Variants in BICRA observed in about 807,000 individuals in gnomAD.
BICRA encodes the protein BRD4 interacting chromatin remodeling complex associated protein.
A neutral mutation model predicts 96.9 loss-of-function variants in BICRA; 31 were observed. That is an observed-to-expected ratio of 0.32 (90% CI 0.24 to 0.43). The LOEUF (loss-of-function observed/expected upper bound fraction) is 0.43. Ranked by LOEUF, BICRA falls within the 20% of genes least tolerant of loss-of-function variation. The probability of loss-of-function intolerance (pLI) is 1.00; values close to 1 mark genes in which losing one functional copy is unlikely to be tolerated. For synonymous variants in BICRA, 1,350 were observed against 1,071.8 expected (o/e 1.26, Z -5.07); for missense variants, 2,283 against 2,190.3 (o/e 1.04, Z -0.84).
intron 2 of BICRA, among the ~76,000 whole-genome samples, chr19:47,671,024 G>A (rs1011618759): frequency 2.6e-5 from 4 of 152,210 alleles, no homozygotes; most frequent in African/African-American, 9.7e-5. Context: ...GTGGGGCTCT[G>A]GAGATGCATG....
At chr19:47,700,006 A>C (rs891638697) in intron 14 of BICRA, 2 of 154,072 alleles carry the variant, frequency 1.3e-5, no homozygotes, top group African/African-American at 2.4e-5. Flanking sequence ...AAAAGTAGTC[A>C]TTGGTACTTA....
At chr19:47,653,707 G>A (rs982560696) in intron 1 of BICRA, among the ~76,000 whole-genome samples, 28 of 152,242 alleles carry the variant, frequency 1.8e-4, no homozygotes, top group African/African-American at 6.0e-4. Flanking sequence ...TTCTTATGGC[G>A]GAGTAATAGT....
intron 1 of BICRA, among the ~76,000 whole-genome samples, chr19:47,611,139 C>T (rs969766892): frequency 3.3e-5 from 5 of 152,150 alleles, no homozygotes; most frequent in African/African-American, 9.7e-5. Flanking sequence ...CAATTTGTAA[C>T]CTCCTGGAGT....
chr19:47,631,937 C>T (rs1349575423), intron 1 of BICRA, among the ~76,000 whole-genome samples: 1 of 152,240 alleles, frequency 6.6e-6, no homozygotes, highest in African/African-American at 2.4e-5. Flanking sequence ...GCATGAGCTA[C>T]TGCGCCCGGC....
At chr19:47,656,074 A>ACACACACG (rs1197870772) in intron 1 of BICRA, among the ~76,000 whole-genome samples, 1 of 111,084 alleles carries the variant, frequency 9.0e-6, no homozygotes, top group Non-Finnish European at 1.8e-5. Context: ...GTCTCGACAC[A>ACACACACG]CACACACACA....
At chr19:47,643,532 TG>T (rs2123538158) in intron 1 of BICRA, among the ~76,000 whole-genome samples, 1 of 152,234 alleles carries the variant, frequency 6.6e-6, no homozygotes, top group African/African-American at 2.4e-5. Flanking sequence ...GTGCTGTCCC[TG>T]GGGTCCCTGG....
At chr19:47,647,832 T>C (rs1337270696) in intron 1 of BICRA, among the ~76,000 whole-genome samples, 1 of 151,478 alleles carries the variant, frequency 6.6e-6, no homozygotes, top group Non-Finnish European at 1.5e-5. Context: ...ACGGGGATCC[T>C]GTCCACGATG....
intron 7 of BICRA, among the ~76,000 whole-genome samples, chr19:47,687,739 T>G (rs762814463): frequency 6.7e-6 from 1 of 149,326 alleles, no homozygotes; most frequent in African/African-American, 2.5e-5. Context: ...AGGCGGAGAT[T>G]GTAGTGAGCC....
At chr19:47,632,709 A>G (rs1312745610) in intron 1 of BICRA, among the ~76,000 whole-genome samples, 1 of 152,210 alleles carries the variant, frequency 6.6e-6, no homozygotes, top group Non-Finnish European at 1.5e-5. Flanking sequence ...GCACACAGTC[A>G]GAACTTAAGG....
chr19:47,701,845 C>A lies in BICRA; in HGVS notation c.4113C>A (p.Pro1371=), dbSNP rs754709833. 21 of 1,517,120 alleles carry A rather than the reference C, an allele frequency of 1.4e-5. No individual in the cohort carries two copies. The African/African-American group carries it at 2.8e-4, about 20-fold the overall frequency. The allele number at this position is 1,517,120 out of a possible 1,614,324, so 94.0% of individuals were successfully genotyped here. ...TGGACCACCCGCCGCCTGCCGCCCC[C>A]GAGCGCAAGCCCCTGGGCACCGCCC... ...GTVDHPPPAA[P]ERKPLGTAPH... Residue 1371 remains proline, a synonymous_variant, in exon 15 of 15, where the codon CCC becomes CCA. Coordinates refer to ENST00000594866, the MANE Select transcript of BICRA (RefSeq NM_001394372.1). The surrounding 1 kb of genome is among the most constrained non-coding windows in gnomAD (Gnocchi z 5.4).
chr19:47,650,385 C>T (rs757928302), intron 1 of BICRA, among the ~76,000 whole-genome samples: 27 of 152,126 alleles, frequency 1.8e-4, no homozygotes, highest in Non-Finnish European at 3.1e-4. Context: ...CCCGCCTTGG[C>T]CTCCCAAATT....
intron 10 of BICRA, among the ~76,000 whole-genome samples, chr19:47,695,702 G>A (rs535825358): frequency 1.1e-4 from 16 of 152,212 alleles, no homozygotes; most frequent in Non-Finnish European, 1.9e-4. Flanking sequence ...GGACGGAGAC[G>A]GCACCAAGAC....
rs1599847674 is a variant in BICRA, at chr19:47,680,115, T to C, written c.945T>C (p.Ala315=). 2 of 1,522,848 alleles carry C rather than the reference T, an allele frequency of 1.3e-6. No homozygotes were observed. Among genetic ancestry groups the C allele is most frequent in the Non-Finnish European group, 1.7e-6 (2 of 1,146,356 alleles). The allele number at this position is 1,522,848 out of a possible 1,614,324, so 94.3% of individuals were successfully genotyped here. The change falls in exon 6 of 15, where the codon GCT becomes GCC. Residue 315 remains alanine, a synonymous_variant. Transcript: ENST00000594866. ...TCGGAGGCGCGGGGGCCGCCTCGGC[T>C]CCCACCGGGACGCCCTCGGGACAGC... is the stretch of plus-strand genomic sequence containing the variant. The part of the protein sequence containing the change: ...SVFGGAGAAS[A]PTGTPSGQPL...
In BICRA at chr19:47,701,087, A is replaced by G. The variant is rs1973434016; in HGVS notation, c.3596-241A>G. On this transcript the variant is annotated intron_variant, in intron 14 of 14. Coordinates refer to ENST00000594866, the MANE Select transcript of BICRA (RefSeq NM_001394372.1). This position sits in a 1 kb window ranked among gnomAD's most constrained non-coding sequence, Gnocchi z 5.4. ...GCCTTGTTTTGTATTCTCTTAATTTACTTATGTCTGAATGAGCCCCACGTG... is the reference window on the plus strand; with the variant it reads ...GCCTTGTTTTGTATTCTCTTAATTTGCTTATGTCTGAATGAGCCCCACGTG... 7 of 551,876 alleles carry G rather than the reference A, an allele frequency of 1.3e-5. No individual in the cohort carries two copies. Among genetic ancestry groups the G allele is most frequent in the Non-Finnish European group, 2.2e-5 (7 of 314,280 alleles). 34.2% of individuals were successfully genotyped at this position (551,876 alleles called of 1,614,324 possible). A position where few individuals can be genotyped will look rare whatever the true frequency, so the allele number is the denominator to read the frequency against.
intron 7 of BICRA, among the ~76,000 whole-genome samples, chr19:47,692,834 G>A (rs1208856505): frequency 2.0e-5 from 3 of 152,202 alleles, no homozygotes; most frequent in Non-Finnish European, 2.9e-5. Context: ...CGAGATGCCC[G>A]GTTCTGGAGT....
rs757107695 is a variant in BICRA, at chr19:47,681,210, G to A, written c.2040G>A (p.Gly680=). Residue 680 remains glycine (G), a synonymous_variant, in exon 6 of 15, where the codon GGG becomes GGA. Coordinates refer to ENST00000594866, the MANE Select transcript of BICRA (RefSeq NM_001394372.1). ...CTAGCCCGGAGAAGATCGTCCTGGGGCAGCCGCCCTCTGCCACCCCCACGG... is the reference window on the plus strand; with the variant it reads ...CTAGCCCGGAGAAGATCGTCCTGGGACAGCCGCCCTCTGCCACCCCCACGG... ...LASSPEKIVL[G]QPPSATPTAI... is the part of the protein sequence containing the mutation. 6.5e-7 allele frequency: 1 copy of A among 1,535,232 alleles called. No homozygotes were observed. The highest frequency in any genetic ancestry group is 1.2e-5 in the South Asian group (1 of 84,052).
At position 47,698,914 on chromosome 19, in the gene BICRA, C is replaced by T. The variant is rs1973392922; in HGVS notation, c.3398-51C>T. ...CTGCCCCGCCCTCCTTCCTGCGCAT[C>T]CGCGGCCGCCCCCAACATCTCCGCC... On this transcript the variant is annotated intron_variant, in intron 12 of 14. Coordinates refer to ENST00000594866, the MANE Select transcript of BICRA (RefSeq NM_001394372.1). This position sits in a 1 kb window ranked among gnomAD's most constrained non-coding sequence, Gnocchi z 4.8. 2 of 1,434,504 alleles carry T rather than the reference C, an allele frequency of 1.4e-6. No individual in the cohort carries two copies. The highest frequency in any genetic ancestry group is 1.7e-4 in the Middle Eastern group (1 of 5,772). The allele number at this position is 1,434,504 out of a possible 1,614,324, so 88.9% of individuals were successfully genotyped here. A position where few individuals can be genotyped will look rare whatever the true frequency, so the allele number is the denominator to read the frequency against.
intron 7 of BICRA, among the ~76,000 whole-genome samples, chr19:47,686,474 C>G (rs1161648199): frequency 6.6e-6 from 1 of 152,050 alleles, no homozygotes; most frequent in East Asian, 1.9e-4. Context: ...ACCTCCACCT[C>G]CCAGGTTCAA....
intron 1 of BICRA, among the ~76,000 whole-genome samples, chr19:47,656,585 C>T (rs948735392): frequency 3.3e-5 from 5 of 152,134 alleles, no homozygotes; most frequent in South Asian, 4.1e-4. Context: ...CCTGGAATAA[C>T]GATCAATTGC....
Sources: allele counts gnomAD v4.1 joint callset (sites outside exome capture counted in the v4.1 genomes callset), GRCh38; gene constraint gnomAD v4.1.1; non-coding constraint Gnocchi (gnomAD v3.1); transcripts MANE v1.5; gene names NCBI Gene and HGNC (gene_info 2026-07-23, HGNC 2026-07-21).